The following SCN9A variants were observed in gnomAD, a reference collection of about 807,000 sequenced individuals.
The protein encoded by SCN9A is sodium voltage-gated channel alpha subunit 9, also known as sodium channel protein type 9 subunit alpha.
Under a neutral mutation model 187.0 loss-of-function variants are expected in SCN9A, and 131 were observed. The ratio of observed to expected loss-of-function variants is 0.70; its 90% CI spans 0.61 to 0.81. SCN9A has a LOEUF of 0.81. Among genes scored for constraint, SCN9A ranks in the 30% least tolerant of loss-of-function variants. The pLI, the probability that SCN9A is intolerant of heterozygous loss-of-function variation, is 0.00. For synonymous variants in SCN9A, 809 were observed against 808.6 expected, an observed-to-expected ratio of 1.00 and a Z score of -0.01; for missense variants, 2,252 against 2,396.6, an observed-to-expected ratio of 0.94 and a Z score of 1.26.
chr2:166,205,959 A>C (rs1000656310), intron 24 of SCN9A, among the ~76,000 whole-genome samples: 1 of 152,202 alleles, frequency 6.6e-6, no homozygotes, highest in Non-Finnish European at 1.5e-5. Flanking sequence ...CAAAACCACA[A>C]TGAGATACCA....
At chr2:166,375,032 T>C (rs1489891592) in intron 1 of SCN9A, among the ~76,000 whole-genome samples, 2 of 152,176 alleles carry the variant, frequency 1.3e-5, no homozygotes, top group Non-Finnish European at 2.9e-5. Flanking sequence ...CACGAAAATA[T>C]CCATTTTTTC....
At chr2:166,372,649 A>C (rs1417095492) in intron 1 of SCN9A, among the ~76,000 whole-genome samples, 1 of 152,228 alleles carries the variant, frequency 6.6e-6, no homozygotes, top group Non-Finnish European at 1.5e-5. Flanking sequence ...AATACATCTC[A>C]GGATATTTTA....
rs1279069295 is a variant in SCN9A at position 166,198,840 on chromosome 2, A to G, written c.5799T>C (p.Ala1933=). The G allele has an allele frequency of 3.7e-6, 6 of 1,613,576 alleles. No homozygotes were observed. In the African/African-American group the frequency reaches 8.0e-5, roughly 22 times the overall value. Residue 1933 remains alanine, a synonymous_variant, in exon 27 of 27, where the codon GCT becomes GCC. Coordinates refer to ENST00000642356, the MANE Select transcript of SCN9A (RefSeq NM_001365536.1). The part of the protein sequence containing the change: ...DDDLLNKKDM[A]FDNVNENSSP... ...TTGAGTTCTCATTAACATTATCAAAAGCCATATCTTTTTTATTGAGTAAAT... is the reference window on the plus strand; with the variant it reads ...TTGAGTTCTCATTAACATTATCAAAGGCCATATCTTTTTTATTGAGTAAAT...
chr2:166,316,241 A>C lies in SCN9A; in HGVS notation c.-50-4435T>G, dbSNP rs549168547. On this transcript the variant is annotated intron_variant, in intron 1 of 26. Transcript: ENST00000642356. ...AAATGGTTAATAAACACTTGTAACCATGTCAAACCTCACTAGTAATCAAAG... is the reference window on the plus strand; with the variant it reads ...AAATGGTTAATAAACACTTGTAACCCTGTCAAACCTCACTAGTAATCAAAG... Among the ~76,000 whole-genome samples, 155 of 152,342 alleles carry C rather than the reference A, an allele frequency of 1.0e-3. 1 individual carries two copies. Among genetic ancestry groups the C allele is most frequent in the African/African-American group, 3.6e-3 (148 of 41,578 alleles).
intron 1 of SCN9A, among the ~76,000 whole-genome samples, chr2:166,323,346 C>T (rs941861837): frequency 4.6e-5 from 7 of 152,074 alleles, no homozygotes; most frequent in Non-Finnish European, 7.4e-5. Flanking sequence ...ATTTGGAAAA[C>T]GGTATTCTTG....
chr2:166,341,159 A>G (rs1699775640), intron 1 of SCN9A, among the ~76,000 whole-genome samples: 1 of 152,212 alleles, frequency 6.6e-6, no homozygotes. Context: ...TTTAACTATC[A>G]TGTATGTAAT....
chr2:166,272,696 T>C lies in SCN9A; in HGVS notation c.3054A>G (p.Pro1018=), dbSNP rs1558998983. The C allele has an allele frequency of 1.3e-6, 2 of 1,598,482 alleles. No individual in the cohort carries two copies. The highest frequency in any genetic ancestry group is 1.7e-6 in the Non-Finnish European group (2 of 1,172,828). The change falls in exon 17 of 27, where the codon CCA becomes CCG. Residue 1018 remains proline (P), a synonymous_variant. Coordinates refer to ENST00000642356, the MANE Select transcript of SCN9A (RefSeq NM_001365536.1). ...EFILKAFSKK[P]KISREIRQAE... ...CTTGTCTTATCTCCCTGGAAATCTT[T>C]GGCTTTTTGGAAAATGCTTTTAGAA... is the stretch of plus-strand genomic sequence containing the variant.
chr2:166,307,747 C>A (rs1698805759), intron 2 of SCN9A, among the ~76,000 whole-genome samples: 1 of 152,136 alleles, frequency 6.6e-6, no homozygotes, highest in South Asian at 2.1e-4. Flanking sequence ...GTTATTGTAG[C>A]CATTCCATAA....
At chr2:166,210,076 G>T (rs1314723222) in intron 24 of SCN9A, among the ~76,000 whole-genome samples, 1 of 152,240 alleles carries the variant, frequency 6.6e-6, no homozygotes, top group East Asian at 1.9e-4. Context: ...AACAATGATA[G>T]ACTGGATTAA....
chr2:166,348,040 T>C (rs184560681), intron 1 of SCN9A, among the ~76,000 whole-genome samples: 25 of 152,314 alleles, frequency 1.6e-4, no homozygotes, highest in African/African-American at 5.3e-4. Flanking sequence ...CAAACCTTTT[T>C]CCTATGGCAA....
intron 17 of SCN9A, among the ~76,000 whole-genome samples, chr2:166,253,574 G>A (rs1696141609): frequency 6.6e-6 from 1 of 151,702 alleles, no homozygotes; most frequent in South Asian, 2.1e-4. Flanking sequence ...AAACGATGTT[G>A]GATAAACTTA....
rs766468627 is a variant in SCN9A at position 166,286,435 on chromosome 2, C to T, written c.1503G>A (p.Ser501=). 8.7e-6 allele frequency: 14 copies of T among 1,613,736 alleles called. No individual in the cohort carries two copies. Among genetic ancestry groups the T allele is most frequent in the South Asian group, 4.4e-5 (4 of 91,064 alleles). Residue 501 remains serine, a synonymous_variant, in exon 11 of 27, where the codon TCG becomes TCA. Transcript: ENST00000642356. ...GEEKGDAEKL[S]KSESEDSIRR... is the part of the protein sequence containing the mutation. ...TGATGCTGTCCTCTGATTCTGATTTCGACAATTTCTCAGCATCTCCCTTTT... is the reference window on the plus strand; with the variant it reads ...TGATGCTGTCCTCTGATTCTGATTTTGACAATTTCTCAGCATCTCCCTTTT...
chr2:166,330,117 G>T (rs1385422856), intron 1 of SCN9A, among the ~76,000 whole-genome samples: 1 of 151,986 alleles, frequency 6.6e-6, no homozygotes, highest in Non-Finnish European at 1.5e-5. Context: ...CCTTCTAAAG[G>T]TTAAATCATA....
intron 1 of SCN9A, among the ~76,000 whole-genome samples, chr2:166,366,731 C>T (rs1198580941): frequency 6.6e-6 from 1 of 152,122 alleles, no homozygotes; most frequent in Non-Finnish European, 1.5e-5. Flanking sequence ...ACCTTAACCA[C>T]TTAGTCTAGA....
intron 1 of SCN9A, among the ~76,000 whole-genome samples, chr2:166,374,663 AAGAAAG>A (rs1700646408): frequency 6.6e-6 from 1 of 152,088 alleles, no homozygotes; most frequent in Non-Finnish European, 1.5e-5. Context: ...ATAACAAGGA[AAGAAAG>A]AGAAAGAAAA....
chr2:166,328,495 T>C (rs2105259390), intron 1 of SCN9A, among the ~76,000 whole-genome samples: 1 of 152,246 alleles, frequency 6.6e-6, no homozygotes, highest in South Asian at 2.1e-4. Context: ...TATATGCATT[T>C]TTATTTAAGT....
intron 1 of SCN9A, among the ~76,000 whole-genome samples, chr2:166,347,903 TAA>T (rs956913105): frequency 6.6e-6 from 1 of 151,038 alleles, no homozygotes; most frequent in Admixed American, 6.6e-5. Context: ...GATAAATATT[TAA>T]AAAAAAACAC....
chr2:166,309,831 C>T (rs11693152), intron 2 of SCN9A, among the ~76,000 whole-genome samples: 91,117 of 145,090 alleles, frequency 0.63, 29,322 homozygotes, highest in African/African-American at 0.74. Context: ...GGAGGCATCA[C>T]GCTACCTGAC....
At chr2:166,357,836 T>C (rs1415917526) in intron 1 of SCN9A, among the ~76,000 whole-genome samples, 1 of 152,106 alleles carries the variant, frequency 6.6e-6, no homozygotes, top group Non-Finnish European at 1.5e-5. Flanking sequence ...GTATTGGGTC[T>C]CCAATACCAA....
Sources: allele counts gnomAD v4.1 joint callset (sites outside exome capture counted in the v4.1 genomes callset), GRCh38; gene constraint gnomAD v4.1.1; transcripts MANE v1.5; gene names NCBI Gene and HGNC (gene_info 2026-07-23, HGNC 2026-07-21).